The following SEBOX variants were observed in gnomAD, a reference collection of about 807,000 sequenced individuals.
SEBOX encodes the protein SEBOX homeobox.
In SEBOX, 10 loss-of-function variants were observed where a neutral mutation model predicts 7.8. The observed-to-expected ratio is 1.28, with a 90% confidence interval of 0.79 to 2.17. The LOEUF (loss-of-function observed/expected upper bound fraction) is 2.17, where lower values mean the gene tolerates loss of function less well. Among genes scored for constraint, SEBOX ranks in the 30% most tolerant of loss-of-function variants. The pLI is 0.00. For missense variants in SEBOX, 240 were observed against 239.5 expected (o/e 1.00, Z -0.01); for synonymous variants, 98 against 91.5 (o/e 1.07, Z -0.40).
In SEBOX at chr17:28,364,338, T is replaced by C. The variant is rs200992183; in HGVS notation, c.503A>G (p.Gln168Arg). 3.7e-4 allele frequency: 591 copies of C among 1,602,206 alleles called. 3 individuals are homozygous for C. In the African/African-American group the frequency reaches 7.2e-3, roughly 19 times the overall value. The change falls in exon 3 of 3, where the codon CAG (glutamine) becomes CGG (arginine). Residue 168 changes from glutamine to arginine, a missense_variant. By Grantham distance (43) the Gln-to-Arg change is conservative (BLOSUM62 1). Transcript: ENST00000536498. ...VHPSLERATP[Q>R]TSLGSLSDLI... ...GTCAGACAGGCTGCCTAGTGAAGTC[T>C]GGGGAGTAGCTCGCTCTAAAGAAGG...
chr17:28,363,518 G>A lies in SEBOX; in HGVS notation c.*750C>T, dbSNP rs2067879818. On this transcript the variant is annotated 3_prime_UTR_variant, in exon 3 of 3. Coordinates refer to ENST00000536498, the MANE Select transcript of SEBOX (RefSeq NM_001080837.4). ...ACAACAATCCAGATTAAGGTACAGA[G>A]TTTGGGTTTTATTTGGAGATTAGTT... is the stretch of plus-strand genomic sequence containing the variant. 6.6e-6 allele frequency: 1 copy of A among 152,134 alleles called. No homozygotes were observed. Among genetic ancestry groups the A allele is most frequent in the Non-Finnish European group, 1.5e-5 (1 of 68,026 alleles). The allele number at this position is 152,134 out of a possible 1,614,324, so 9.4% of individuals were successfully genotyped here.
Position 28,363,506 on chromosome 17 carries a change from T to A in SEBOX, c.*762A>T, listed in dbSNP as rs1367934394. 2 of 152,198 alleles carry A rather than the reference T, an allele frequency of 1.3e-5. No individual in the cohort carries two copies. The highest frequency in any genetic ancestry group is 6.5e-5 in the Admixed American group (1 of 15,288). 9.4% of individuals were successfully genotyped at this position (152,198 alleles called of 1,614,324 possible). On this transcript the variant is annotated 3_prime_UTR_variant, in exon 3 of 3. Coordinates refer to ENST00000536498, the MANE Select transcript of SEBOX (RefSeq NM_001080837.4). ...CGTTTGCAGAGCACAACAATCCAGA[T>A]TAAGGTACAGAGTTTGGGTTTTATT... is the stretch of plus-strand genomic sequence containing the variant.
In SEBOX at chr17:28,364,421, G is replaced by C; in HGVS notation, c.420C>G (p.Gly140=). 6.3e-7 allele frequency: 1 copy of C among 1,591,708 alleles called. No individual in the cohort carries two copies. The highest frequency in any genetic ancestry group is 1.3e-5 in the African/African-American group (1 of 74,558). ...GGGCTACAGCTTTAGCCCCTTCCCA[G>C]CCCTGCCGTGGACTCAAGCCAGGAG... ...CPAPGLSPRQ[G]WEGAKAVAPW... The change falls in exon 3 of 3, where the codon GGC becomes GGG. Residue 140 remains glycine (G), a synonymous_variant. Coordinates refer to ENST00000536498, the MANE Select transcript of SEBOX (RefSeq NM_001080837.4).
chr17:28,364,146 G>A lies in SEBOX; in HGVS notation c.*122C>T, dbSNP rs373816727. On this transcript the variant is annotated 3_prime_UTR_variant, in exon 3 of 3. Coordinates refer to ENST00000536498, the MANE Select transcript of SEBOX (RefSeq NM_001080837.4). ...GATGCCTGAGCTAAACTCCTTTCCCGTAGGGAATCCCTTTGCATAAAAAGT... is the reference window on the plus strand; with the variant it reads ...GATGCCTGAGCTAAACTCCTTTCCCATAGGGAATCCCTTTGCATAAAAAGT... 121 of 1,003,302 alleles carry A rather than the reference G, an allele frequency of 1.2e-4. No individual in the cohort carries two copies. The highest frequency in any genetic ancestry group is 6.2e-4 in the South Asian group (36 of 58,536). 62.1% of individuals were successfully genotyped at this position (1,003,302 alleles called of 1,614,324 possible). A position where few individuals can be genotyped will look rare whatever the true frequency, so the allele number is the denominator to read the frequency against.
At position 28,364,356 on chromosome 17, in the gene SEBOX, AAAG is replaced by A. The variant is rs1202737002; in HGVS notation, c.482_484del (p.Ser161del). ...TGAAGTCTGGGGAGTAGCTCGCTCT[AAAG>A]AAGGGTGGACCTCTGAAGCCCCAGC... is the stretch of plus-strand genomic sequence containing the variant. On this transcript the variant is annotated inframe_deletion, in exon 3 of 3. Transcript: ENST00000536498. 1.3e-6 allele frequency: 2 copies of A among 1,597,338 alleles called. No individual in the cohort carries two copies. The highest frequency in any genetic ancestry group is 2.7e-5 in the African/African-American group (2 of 74,602).
rs1555582800 is a variant in SEBOX at position 28,364,969 on chromosome 17, TG to T, written c.32-15del. ...CGCTGCCACCGTCTGCAGGCCATGG[TG>T]GGGGTCAAGCTGGGACTCCCTGCAA... On this transcript the variant is annotated splice_polypyrimidine_tract_variant and intron_variant, in intron 1 of 2. Coordinates refer to ENST00000536498, the MANE Select transcript of SEBOX (RefSeq NM_001080837.4). 2 of 1,605,266 alleles carry T rather than the reference TG, an allele frequency of 1.2e-6. No homozygotes were observed. Among genetic ancestry groups the T allele is most frequent in the East Asian group, 4.5e-5 (2 of 44,540 alleles).
In SEBOX at chr17:28,365,130, A is replaced by T; in HGVS notation, c.22T>A (p.Ser8Thr). Residue 8 changes from serine (S) to threonine (T), a missense_variant, in exon 1 of 3, where the codon TCC becomes ACC. By Grantham distance (58) the Ser-to-Thr change is moderately conservative. Coordinates refer to ENST00000536498, the MANE Select transcript of SEBOX (RefSeq NM_001080837.4). ...TCCCCCATCAGATCACCTGCTGAGG[A>T]TGCATCCACAGGGCTGGGCATGGAG... MPSPVDA[S>T]SADGGSGLGS... The T allele has an allele frequency of 6.2e-7, 1 of 1,609,410 alleles. No individual in the cohort carries two copies. Among genetic ancestry groups the T allele is most frequent in the South Asian group, 1.1e-5 (1 of 90,040 alleles).
rs1345819718 is a variant in SEBOX at position 28,365,135 on chromosome 17, T to C, written c.17A>G (p.Asp6Gly). 6 of 1,609,842 alleles carry C rather than the reference T, an allele frequency of 3.7e-6. No homozygotes were observed. Among genetic ancestry groups the C allele is most frequent in the Non-Finnish European group, 5.1e-6 (6 of 1,178,036 alleles). Reference protein sequence around the residue: MPSPVDASSADGGSGL... With the variant: MPSPVGASSADGGSGL... ...CATCAGATCACCTGCTGAGGATGCA[T>C]CCACAGGGCTGGGCATGGAGCTGGC... Residue 6 changes from aspartate (D) to glycine (G), a missense_variant, in exon 1 of 3, where the codon GAT becomes GGT. By Grantham distance (94) the Asp-to-Gly change is moderately conservative. Transcript: ENST00000536498.
At position 28,364,249 on chromosome 17, in the gene SEBOX, T is replaced by A; in HGVS notation, c.*19A>T. 6.3e-7 allele frequency: 1 copy of A among 1,589,126 alleles called. No homozygotes were observed. Among genetic ancestry groups the A allele is most frequent in the Non-Finnish European group, 8.6e-7 (1 of 1,164,754 alleles). On this transcript the variant is annotated 3_prime_UTR_variant, in exon 3 of 3. Coordinates refer to ENST00000536498, the MANE Select transcript of SEBOX (RefSeq NM_001080837.4). ...GCCACAGGAGTCAGAGGAGGGGCCT[T>A]GCAAGTTCTGGACAAAGACTAGGAG... is the stretch of plus-strand genomic sequence containing the variant.
Position 28,363,894 on chromosome 17 carries a change from G to A in SEBOX, c.*374C>T, listed in dbSNP as rs183338990. On this transcript the variant is annotated 3_prime_UTR_variant, in exon 3 of 3. Transcript: ENST00000536498. ...TGGCCTGGAGAGACCTCAGGAGACA[G>A]GAGCCTGCCCCTTCAGAAGGAGGAG... is the stretch of plus-strand genomic sequence containing the variant. 6.6e-6 allele frequency among the ~76,000 whole-genome samples: 1 copy of A among 152,316 alleles called. No individual in the cohort carries two copies. Among genetic ancestry groups the A allele is most frequent in the African/African-American group, 2.4e-5 (1 of 41,574 alleles).
chr17:28,364,326 C>T lies in SEBOX; in HGVS notation c.515G>A (p.Gly172Asp), dbSNP rs1597808546. 3 of 1,604,188 alleles carry T rather than the reference C, an allele frequency of 1.9e-6. No individual in the cohort carries two copies. The highest frequency in any genetic ancestry group is 1.7e-4 in the Middle Eastern group (1 of 6,052). The change falls in exon 3 of 3, where the codon GGC (glycine) becomes GAC (aspartate). Residue 172 changes from glycine to aspartate, a missense_variant. Physicochemically the swap from Gly to Asp is moderately conservative, Grantham distance 94. Transcript: ENST00000536498. The part of the protein sequence containing the change: ...LERATPQTSL[G>D]SLSDLIYALA... ...GGCATAGATGAGGTCAGACAGGCTG[C>T]CTAGTGAAGTCTGGGGAGTAGCTCG...
At chr17:28,364,733 C>G (rs1338800155) in intron 2 of SEBOX, 62 bp downstream of exon 2, 3 of 1,599,998 alleles carry the variant, frequency 1.9e-6, no homozygotes, top group Non-Finnish European at 2.6e-6. Context: ...GGCAGGCTAC[C>G]CAGCGAAGGG....
rs2067888282 is a variant in SEBOX at position 28,364,156 on chromosome 17, C to A, written c.*112G>T. 2 of 1,059,880 alleles carry A rather than the reference C, an allele frequency of 1.9e-6. No individual in the cohort carries two copies. Among genetic ancestry groups the A allele is most frequent in the Non-Finnish European group, 2.7e-6 (2 of 749,820 alleles). The allele number at this position is 1,059,880 out of a possible 1,614,324, so 65.7% of individuals were successfully genotyped here. On this transcript the variant is annotated 3_prime_UTR_variant, in exon 3 of 3. Transcript: ENST00000536498. ...CTAAACTCCTTTCCCGTAGGGAATC[C>A]CTTTGCATAAAAAGTGGGGCCAGGG...
chr17:28,364,575 C>T lies in SEBOX; in HGVS notation c.266G>A (p.Cys89Tyr), dbSNP rs2067892650. The T allele has an allele frequency of 2.6e-6, 4 of 1,559,550 alleles. No homozygotes were observed. The East Asian group carries it at 9.0e-5, about 35-fold the overall frequency. ...KSGILSPGSE[C>Y]PQSSCSLPDT... ...TGGAAGAGAACAGGAGCTCTGGGGG[C>T]ACTCAGACCCAGGGCTTAGAATTCC... The change falls in exon 3 of 3, where the codon TGC (cysteine) becomes TAC (tyrosine). Residue 89 changes from cysteine to tyrosine, a missense_variant. By Grantham distance (194) the Cys-to-Tyr change is radical. Transcript: ENST00000536498.
chr17:28,365,052 C>T lies in SEBOX; in HGVS notation c.31+69G>A, dbSNP rs1355738508. 4 of 1,577,684 alleles carry T rather than the reference C, an allele frequency of 2.5e-6. No homozygotes were observed. The African/African-American group carries it at 4.1e-5, about 16-fold the overall frequency. Reference sequence around the variant, plus strand: ...AACCCCGAAGTCCCTACTCCCACCCCTCTCCAACCGTCCTCATCCTACCAT... The same window carrying T: ...AACCCCGAAGTCCCTACTCCCACCCTTCTCCAACCGTCCTCATCCTACCAT... On this transcript the variant is annotated intron_variant, in intron 1 of 2. Coordinates refer to ENST00000536498, the MANE Select transcript of SEBOX (RefSeq NM_001080837.4).
chr17:28,364,493 G>A lies in SEBOX; in HGVS notation c.348C>T (p.Ser116=), dbSNP rs1329684514. The part of the protein sequence containing the change: ...PQMPGQPPPS[S]GTPQRTSVCR... ...ACACTGAGGTGCGCTGAGGTGTGCC[G>A]CTGGAGGGTGGAGGTTGGCCTGGCA... Residue 116 remains serine, a synonymous_variant, in exon 3 of 3, where the codon AGC becomes AGT. Transcript: ENST00000536498. 4.4e-6 allele frequency: 7 copies of A among 1,607,996 alleles called. No individual in the cohort carries two copies. The highest frequency in any genetic ancestry group is 1.7e-5 in the Admixed American group (1 of 59,540).
chr17:28,364,635 T>G lies in SEBOX; in HGVS notation c.206A>C (p.Lys69Thr). Reference sequence around the variant, plus strand: ...GTTCTTGATTATTTTGGCCCAGCGCTTCTGGAACCACACCTGCTAGGAAAG... The same window carrying G: ...GTTCTTGATTATTTTGGCCCAGCGCGTCTGGAACCACACCTGCTAGGAAAG... ...PEAKVQVWFQ[K>T]RWAKIIKNRK... The change falls in exon 3 of 3, where the codon AAG (lysine) becomes ACG (threonine). Residue 69 changes from lysine to threonine, a missense_variant. Physicochemically the swap from Lys to Thr is moderately conservative, Grantham distance 78. Coordinates refer to ENST00000536498, the MANE Select transcript of SEBOX (RefSeq NM_001080837.4). The G allele has an allele frequency of 6.5e-7, 1 of 1,546,204 alleles. No homozygotes were observed. Among genetic ancestry groups the G allele is most frequent in the Non-Finnish European group, 8.7e-7 (1 of 1,149,490 alleles).
At chr17:28,365,033 G>A (rs1020052404) in intron 1 of SEBOX, 78 bp from the exon 2 acceptor site, 74 of 1,574,708 alleles carry the variant, frequency 4.7e-5, no homozygotes, top group South Asian at 4.1e-4. Context: ...AATCAACCCC[G>A]AAGTCCCTAC....
At position 28,364,465 on chromosome 17, in the gene SEBOX, G is replaced by A. The variant is rs1555582679; in HGVS notation, c.376C>T (p.Arg126Ter). 5.0e-6 allele frequency: 8 copies of A among 1,606,644 alleles called. No homozygotes were observed. The highest frequency in any genetic ancestry group is 1.1e-5 in the South Asian group (1 of 90,602). Residue 126 changes from arginine (R) to a stop codon, truncating the protein, a stop_gained, in exon 3 of 3, where the codon CGA (arginine) becomes TGA (stop). Transcript: ENST00000536498. LOFTEE classifies it low-confidence loss of function (END_TRUNC). ...CCAGGAGCTGGACAGGAGCTATGTC[G>A]ACACACTGAGGTGCGCTGAGGTGTG... ...SGTPQRTSVC[R>*]HSSCPAPGLS... is the part of the protein sequence containing the mutation.
Sources: allele counts gnomAD v4.1 joint callset (sites outside exome capture counted in the v4.1 genomes callset), GRCh38; gene constraint gnomAD v4.1.1; transcripts MANE v1.5; gene names NCBI Gene and HGNC (gene_info 2026-07-23, HGNC 2026-07-21).